Variants in TENM3 observed in about 807,000 individuals in gnomAD.
TENM3 encodes teneurin transmembrane protein 3, also known as teneurin-3.
TENM3 carries 63 observed loss-of-function variants against 255.1 expected under a neutral mutation model. The ratio of observed to expected loss-of-function variants is 0.25; its 90% confidence interval spans 0.20 to 0.30. TENM3 has a LOEUF of 0.30. TENM3 is among the 10% of genes least tolerant of loss of function. TENM3 has a pLI of 1.00. For synonymous variants in TENM3, 1,306 were observed against 1,322.3 expected, an observed-to-expected ratio of 0.99 and a Z score of 0.27; for missense variants, 2,929 against 3,461.1, an observed-to-expected ratio of 0.85 and a Z score of 3.86.
chr4:181,761,791 A>G, the TENM3 span, among the ~76,000 whole-genome samples: 2 of 152,182 alleles, frequency 1.3e-5, no homozygotes, highest in Non-Finnish European at 1.5e-5. Flanking sequence ...ATGAGAGAGA[A>G]TCTATTTTAA....
intron 13 of TENM3, 90 bp from the exon 14 acceptor site, chr4:182,728,875 A>G (rs1760447008): frequency 5.9e-6 from 2 of 336,726 alleles, no homozygotes; most frequent in Non-Finnish European, 7.8e-6. Context: ...CTTGATGTGA[A>G]AAAAAAAAAA....
chr4:181,797,303 G>C, the TENM3 span, among the ~76,000 whole-genome samples: 1 of 151,968 alleles, frequency 6.6e-6, no homozygotes, highest in Non-Finnish European at 1.5e-5. Flanking sequence ...AACAAAAAAG[G>C]GCCAATACAT....
rs138831435 is a variant in TENM3, at chr4:182,275,180, G to A, written c.-76+31704G>A. Among the ~76,000 whole-genome samples, 12 of 152,176 alleles carry A rather than the reference G, an allele frequency of 7.9e-5. No individual in the cohort carries two copies. The East Asian group carries it at 2.1e-3, about 27-fold the overall frequency. On this transcript the variant is annotated intron_variant, in intron 1 of 27. Coordinates refer to ENST00000511685, the MANE Select transcript of TENM3 (RefSeq NM_001080477.4). ...GTTGGTTAGTTTTTATTGTCGTCTCGTGTAATGGCAGAGTTTCCTCCTGTG... is the reference window on the plus strand; with the variant it reads ...GTTGGTTAGTTTTTATTGTCGTCTCATGTAATGGCAGAGTTTCCTCCTGTG...
At chr4:181,870,420 C>T in the TENM3 span, among the ~76,000 whole-genome samples, 2 of 152,264 alleles carry the variant, frequency 1.3e-5, no homozygotes, top group Non-Finnish European at 2.9e-5. Flanking sequence ...GTTACACTCT[C>T]ACTAGAAATG....
At chr4:182,198,114 A>G (rs1323349227) in intron 1 of TENM3, among the ~76,000 whole-genome samples, 1 of 150,926 alleles carries the variant, frequency 6.6e-6, no homozygotes, top group African/African-American at 2.5e-5. Flanking sequence ...CAAAAAAAAT[A>G]AATAAAAAAT....
At chr4:181,896,415 T>G in the TENM3 span, among the ~76,000 whole-genome samples, 1 of 152,194 alleles carries the variant, frequency 6.6e-6, no homozygotes, top group Non-Finnish European at 1.5e-5. Flanking sequence ...TACAAAGGAT[T>G]TTTAAAAGAA....
intron 3 of TENM3, among the ~76,000 whole-genome samples, chr4:182,350,559 C>A (rs952495771): frequency 6.6e-5 from 10 of 152,142 alleles, no homozygotes; most frequent in African/African-American, 2.4e-4. Flanking sequence ...CTACTAACAG[C>A]AGTTTGAGTA....
At chr4:182,115,765 T>C in the TENM3 span, among the ~76,000 whole-genome samples, 1 of 152,214 alleles carries the variant, frequency 6.6e-6, no homozygotes. Flanking sequence ...TGGTCCGTAC[T>C]ATCCATATTA....
chr4:182,706,833 A>T (rs1758314334), intron 12 of TENM3, among the ~76,000 whole-genome samples: 1 of 151,988 alleles, frequency 6.6e-6, no homozygotes, highest in African/African-American at 2.4e-5. Flanking sequence ...GTGCGCCTGT[A>T]GTCCCAGCTA....
Position 182,800,371 on chromosome 4 carries a change from G to T in TENM3, c.*20G>T, listed in dbSNP as rs556524629. The stretch of plus-strand genomic sequence containing the variant: ...AGGTAACGCCCGGGCCGCGCCCGCC[G>T]AGCCGCTCACGCCCTGCCCACATTG... On this transcript the variant is annotated 3_prime_UTR_variant, in exon 28 of 28. Coordinates refer to ENST00000511685, the MANE Select transcript of TENM3 (RefSeq NM_001080477.4). The T allele has an allele frequency of 2.9e-5, 45 of 1,544,324 alleles. No homozygotes were observed. The African/African-American group carries it at 5.7e-4, about 20-fold the overall frequency.
chr4:182,104,148 T>C, the TENM3 span, among the ~76,000 whole-genome samples: 1 of 152,188 alleles, frequency 6.6e-6, no homozygotes, highest in Non-Finnish European at 1.5e-5. Flanking sequence ...GCCAAGGTGA[T>C]GTCACTGACC....
At chr4:182,653,219 G>A (rs12331244) in intron 5 of TENM3, among the ~76,000 whole-genome samples, 84,419 of 151,974 alleles carry the variant, frequency 0.56, 24,431 homozygotes, top group African/African-American at 0.71. Flanking sequence ...ATTGTTTGTC[G>A]TCAATTCAAA....
intron 13 of TENM3, 37 bp from the exon 14 acceptor site, chr4:182,728,928 G>A (rs891011398): frequency 3.8e-6 from 6 of 1,566,428 alleles, no homozygotes; most frequent in Admixed American, 1.7e-5. Flanking sequence ...GGCATCAAAA[G>A]GAAAATTCTC....
the TENM3 span, among the ~76,000 whole-genome samples, chr4:181,985,495 G>C: frequency 1.3e-5 from 2 of 152,080 alleles, no homozygotes; most frequent in Non-Finnish European, 2.9e-5. Context: ...ATAGATCAGA[G>C]TTTAAAAGTC....
intron 3 of TENM3, among the ~76,000 whole-genome samples, chr4:182,488,687 G>C (rs1194273354): frequency 6.6e-6 from 1 of 152,118 alleles, no homozygotes; most frequent in Non-Finnish European, 1.5e-5. Flanking sequence ...ACAACTGAAA[G>C]CCTAATGTCA....
the TENM3 span, among the ~76,000 whole-genome samples, chr4:181,932,278 G>A: frequency 2.0e-5 from 3 of 152,064 alleles, no homozygotes; most frequent in Non-Finnish European, 4.4e-5. Context: ...ATCTGACAAA[G>A]GGCTAATATC....
chr4:181,903,449 C>A, the TENM3 span, among the ~76,000 whole-genome samples: 236 of 152,286 alleles, frequency 1.5e-3, 2 homozygotes, highest in African/African-American at 5.5e-3. Flanking sequence ...CCTGTCCCCT[C>A]CTTTTCTTGG....
chr4:181,850,312 G>C, the TENM3 span, among the ~76,000 whole-genome samples: 2,588 of 151,960 alleles, frequency 0.017, 42 homozygotes, highest in Middle Eastern at 0.045. Flanking sequence ...TGATTAACAA[G>C]AGATTAAATT....
chr4:181,546,596 C>T, the TENM3 span, among the ~76,000 whole-genome samples: 1 of 141,940 alleles, frequency 7.0e-6, no homozygotes, highest in Non-Finnish European at 1.5e-5. Flanking sequence ...CGCCTGTAGT[C>T]CCAGCTACTC....
Sources: gnomAD v4.1 joint callset for allele counts (sites outside exome capture counted in the v4.1 genomes callset) on GRCh38, gnomAD v4.1.1 for gene constraint, MANE v1.5 for transcripts, NCBI Gene and HGNC (gene_info 2026-07-23, HGNC 2026-07-21) for gene names.